Variants in ADGRB3 observed in about 807,000 individuals in gnomAD.
ADGRB3 encodes brain-specific angiogenesis inhibitor 3.
Under a neutral mutation model 193.4 loss-of-function variants are expected in ADGRB3, and 37 were observed. That is an observed-to-expected ratio of 0.19 (90% confidence interval 0.15 to 0.25). The LOEUF (loss-of-function observed/expected upper bound fraction) is 0.25, where lower values mean the gene tolerates loss of function less well. Ranked by LOEUF, ADGRB3 falls within the 10% of genes least tolerant of loss-of-function variation. The pLI is 1.00. For missense variants in ADGRB3, 1,637 were observed against 1,852.9 expected, an observed-to-expected ratio of 0.88 and a Z score of 2.14; for synonymous variants, 690 against 644.2, an observed-to-expected ratio of 1.07 and a Z score of -1.08.
At chr6:68,901,421 T>C (rs548239933) in intron 3 of ADGRB3, among the ~76,000 whole-genome samples, 42 of 152,170 alleles carry the variant, frequency 2.8e-4, no homozygotes, top group Non-Finnish European at 5.1e-4. Context: ...CCACAGTCTT[T>C]TTATAACCCA....
At chr6:69,184,429 C>A (rs1332844704) in intron 17 of ADGRB3, among the ~76,000 whole-genome samples, 7 of 151,770 alleles carry the variant, frequency 4.6e-5, no homozygotes, top group African/African-American at 1.7e-4. Flanking sequence ...AAATAAGAAA[C>A]AAAAAATAAC....
chr6:69,043,605 C>G (rs1397535033), intron 13 of ADGRB3, among the ~76,000 whole-genome samples: 1 of 152,106 alleles, frequency 6.6e-6, no homozygotes, highest in Non-Finnish European at 1.5e-5. Flanking sequence ...AAAACCTGCT[C>G]CAGTAATAAT....
intron 17 of ADGRB3, among the ~76,000 whole-genome samples, chr6:69,092,182 C>T (rs1011069633): frequency 6.6e-6 from 1 of 152,190 alleles, no homozygotes; most frequent in Admixed American, 6.5e-5. Context: ...TAAATTTTGT[C>T]ATGATCTTCA....
At chr6:68,652,027 A>G (rs1334619519) in intron 3 of ADGRB3, among the ~76,000 whole-genome samples, 1 of 152,030 alleles carries the variant, frequency 6.6e-6, no homozygotes, top group East Asian at 1.9e-4. Context: ...CTGCATATCT[A>G]TCTGTGCTTA....
chr6:69,196,185 A>AT (rs1301994416), intron 17 of ADGRB3, among the ~76,000 whole-genome samples: 3 of 152,124 alleles, frequency 2.0e-5, no homozygotes, highest in African/African-American at 7.2e-5. Context: ...TGAGGAATAC[A>AT]TGGGTACATA....
At chr6:68,871,671 C>T (rs905848400) in intron 3 of ADGRB3, among the ~76,000 whole-genome samples, 1 of 152,024 alleles carries the variant, frequency 6.6e-6, no homozygotes, top group Non-Finnish European at 1.5e-5. Flanking sequence ...AACATTCTTC[C>T]ATTTGAAGTT....
chr6:68,776,495 G>C (rs1039673142), intron 3 of ADGRB3, among the ~76,000 whole-genome samples: 1 of 152,058 alleles, frequency 6.6e-6, no homozygotes, highest in African/African-American at 2.4e-5. Context: ...AATTTCACAT[G>C]TATTTATTCA....
intron 17 of ADGRB3, among the ~76,000 whole-genome samples, chr6:69,166,607 A>G (rs967688719): frequency 9.2e-5 from 14 of 152,220 alleles, no homozygotes; most frequent in African/African-American, 3.4e-4. Context: ...ACAGAATTGG[A>G]GCTGTGGGGG....
intron 13 of ADGRB3, among the ~76,000 whole-genome samples, chr6:69,042,537 T>G (rs1278149919): frequency 2.6e-5 from 4 of 152,218 alleles, no homozygotes; most frequent in African/African-American, 9.6e-5. Flanking sequence ...AAATTGTTAA[T>G]GCCAAGGGGG....
At position 69,388,941 on chromosome 6, in the gene ADGRB3, T is replaced by A; in HGVS notation, c.*50T>A. 1 of 1,539,994 alleles carries A rather than the reference T, an allele frequency of 6.5e-7. No individual in the cohort carries two copies. The highest frequency in any genetic ancestry group is 8.8e-7 in the Non-Finnish European group (1 of 1,137,732). On this transcript the variant is annotated 3_prime_UTR_variant, in exon 32 of 32. Transcript: ENST00000370598. The stretch of plus-strand genomic sequence containing the variant: ...AGACAAAACTTTATTGCACTGACAC[T>A]TAAGACTTGGGAAGCCTGACATTTC...
chr6:69,204,824 T>G (rs1228461172), intron 17 of ADGRB3, among the ~76,000 whole-genome samples: 1 of 152,160 alleles, frequency 6.6e-6, no homozygotes, highest in Non-Finnish European at 1.5e-5. Flanking sequence ...TGCAACTGTT[T>G]TAAATTGTTG....
At chr6:69,106,179 A>AAAAAAAAAAAAG (rs1554143751) in intron 17 of ADGRB3, among the ~76,000 whole-genome samples, 1 of 140,734 alleles carries the variant, frequency 7.1e-6, no homozygotes, top group East Asian at 2.0e-4. Flanking sequence ...AAAAAAAAAA[A>AAAAAAAAAAAAG]AAAAGAAAAG....
At chr6:68,739,736 G>A (rs1386998816) in intron 3 of ADGRB3, among the ~76,000 whole-genome samples, 4 of 152,116 alleles carry the variant, frequency 2.6e-5, no homozygotes, top group African/African-American at 7.2e-5. Flanking sequence ...GAAAATTACT[G>A]TGGTACTAAA....
chr6:69,040,038 C>G lies in ADGRB3; in HGVS notation c.2108-8147C>G, dbSNP rs556011995. Among the ~76,000 whole-genome samples, 24 of 152,126 alleles carry G rather than the reference C, an allele frequency of 1.6e-4. No individual in the cohort carries two copies. In the East Asian group the frequency reaches 4.7e-3, roughly 29 times the overall value. On this transcript the variant is annotated intron_variant, in intron 13 of 31. Transcript: ENST00000370598. ...TACAGGTGTGAGCCACCATGCCCGG[C>G]CCTACATAATCGTTTTGAGATAATT...
At chr6:68,901,252 G>T (rs761138290) in intron 3 of ADGRB3, among the ~76,000 whole-genome samples, 72 of 152,178 alleles carry the variant, frequency 4.7e-4, no homozygotes, top group Middle Eastern at 3.4e-3. Context: ...GGGTGGAGGG[G>T]GGTGGGGTTC....
At chr6:68,960,081 AG>A (rs1258833748) in intron 8 of ADGRB3, among the ~76,000 whole-genome samples, 3 of 152,188 alleles carry the variant, frequency 2.0e-5, no homozygotes, top group Non-Finnish European at 2.9e-5. Context: ...CTAGCTTCGT[AG>A]GAACCACTTT....
At chr6:69,136,849 T>C (rs1249392991) in intron 17 of ADGRB3, among the ~76,000 whole-genome samples, 23 of 152,088 alleles carry the variant, frequency 1.5e-4, no homozygotes, top group Admixed American at 1.5e-3. Flanking sequence ...CGCCCCACTT[T>C]TTGTGGCACT....
In ADGRB3 at chr6:68,719,211, G is replaced by A. The variant is rs183229500; in HGVS notation, c.757+79779G>A. Among the ~76,000 whole-genome samples, 10 of 151,766 alleles carry A rather than the reference G, an allele frequency of 6.6e-5. No homozygotes were observed. The East Asian group carries it at 1.6e-3, about 24-fold the overall frequency. Reference sequence around the variant, plus strand: ...TGGTTTTTAAGTCCGTGTCCCTGATGTTATTAGTGCTTCAATAGAACCTTC... The same window carrying A: ...TGGTTTTTAAGTCCGTGTCCCTGATATTATTAGTGCTTCAATAGAACCTTC... On this transcript the variant is annotated intron_variant, in intron 3 of 31. Coordinates refer to ENST00000370598, the MANE Select transcript of ADGRB3 (RefSeq NM_001704.3).
At position 69,241,479 on chromosome 6, in the gene ADGRB3, T is replaced by TG. The variant is rs1766383933; in HGVS notation, c.2814+2254dup. Reference sequence around the variant, plus strand: ...ATGTCCAATGGCTACATGCAGCTAGTGTCTACGACGTTGTGTAGGTCTAAA... The same window carrying TG: ...ATGTCCAATGGCTACATGCAGCTAGTGGTCTACGACGTTGTGTAGGTCTAAA... On this transcript the variant is annotated intron_variant, in intron 20 of 31. Coordinates refer to ENST00000370598, the MANE Select transcript of ADGRB3 (RefSeq NM_001704.3). Among the ~76,000 whole-genome samples the TG allele has an allele frequency of 2.0e-5, 3 of 151,980 alleles. No individual in the cohort carries two copies. In the South Asian group the frequency reaches 6.2e-4, roughly 31 times the overall value.
Sources: allele counts gnomAD v4.1 joint callset (sites outside exome capture counted in the v4.1 genomes callset), GRCh38; gene constraint gnomAD v4.1.1; transcripts MANE v1.5; gene names NCBI Gene and HGNC (gene_info 2026-07-23, HGNC 2026-07-21).